KIF1A: variants seen among roughly 807,000 people sequenced by gnomAD.
The protein encoded by KIF1A is kinesin family member 1A, also known as kinesin-like protein KIF1A.
Under a neutral mutation model 227.3 loss-of-function variants are expected in KIF1A, and 46 were observed. That is an observed-to-expected ratio of 0.20 (90% CI 0.16 to 0.26). The LOEUF (loss-of-function observed/expected upper bound fraction) is 0.26, where lower values mean the gene tolerates loss of function less well. Among genes scored for constraint, KIF1A ranks in the 10% least tolerant of loss-of-function variants. The pLI is 1.00. For missense variants in KIF1A, 1,683 were observed against 2,485.9 expected (o/e 0.68, Z 6.87); for synonymous variants, 1,022 against 1,012.8 (o/e 1.01, Z -0.17).
At chr2:240,721,570 G>A (rs951749932) in intron 44 of KIF1A, among the ~76,000 whole-genome samples, 12 of 152,210 alleles carry the variant, frequency 7.9e-5, no homozygotes, top group African/African-American at 2.9e-4. Flanking sequence ...GTGCATGGGT[G>A]CATCCAAGGC....
chr2:240,738,158 C>G (rs1276173254), intron 37 of KIF1A, among the ~76,000 whole-genome samples: 1 of 152,226 alleles, frequency 6.6e-6, no homozygotes, highest in Admixed American at 6.5e-5. Flanking sequence ...GGGAGCGCAG[C>G]TGCTCTCAGC....
In KIF1A at chr2:240,717,342, G is replaced by A; in HGVS notation, c.*22C>T. 1 of 1,607,030 alleles carries A rather than the reference G, an allele frequency of 6.2e-7. No homozygotes were observed. Among genetic ancestry groups the A allele is most frequent in the Non-Finnish European group, 8.5e-7 (1 of 1,176,382 alleles). On this transcript the variant is annotated 3_prime_UTR_variant, in exon 49 of 49. Transcript: ENST00000498729. ...GGGAGGGGATGGGCTGGGCCTGCCGGCTGTCACGGGAGGGCTCAGGTTCAG... is the reference window on the plus strand; with the variant it reads ...GGGAGGGGATGGGCTGGGCCTGCCGACTGTCACGGGAGGGCTCAGGTTCAG...
At chr2:240,738,636 GGA>G (rs2047619462) in intron 37 of KIF1A, among the ~76,000 whole-genome samples, 1 of 152,192 alleles carries the variant, frequency 6.6e-6, no homozygotes, top group African/African-American at 2.4e-5. Context: ...AGCCTGAAGG[GGA>G]GCATTGGGGT....
At chr2:240,813,914 G>T (rs947126288) in intron 1 of KIF1A, among the ~76,000 whole-genome samples, 2 of 152,190 alleles carry the variant, frequency 1.3e-5, no homozygotes, top group African/African-American at 2.4e-5. Flanking sequence ...GCACCCGGGA[G>T]ATTCAAGAAG....
chr2:240,740,726 A>G lies in KIF1A; in HGVS notation c.3750-362T>C, dbSNP rs2047859153. On this transcript the variant is annotated intron_variant, in intron 35 of 48. Transcript: ENST00000498729. The surrounding 1 kb of genome is among the most constrained non-coding windows in gnomAD (Gnocchi z 6.1). ...GAGGATCCAGAGGAAATCCCAGCAG[A>G]TGGGCTCGTCTTCTCCAACATCTAA... Among the ~76,000 whole-genome samples, 1 of 151,918 alleles carries G rather than the reference A, an allele frequency of 6.6e-6. No individual in the cohort carries two copies. Among genetic ancestry groups the G allele is most frequent in the African/African-American group, 2.4e-5 (1 of 41,330 alleles).
intron 5 of KIF1A, among the ~76,000 whole-genome samples, chr2:240,786,732 G>GCCACCACCAGGACCC (rs1559529774): frequency 6.3e-5 from 9 of 142,886 alleles, no homozygotes; most frequent in African/African-American, 2.6e-4. Flanking sequence ...GGGGGTGGGG[G>GCCACCACCAGGACCC]CTGCCTGCTG....
intron 40 of KIF1A, 84 bp from the exon 41 acceptor site, chr2:240,724,120 C>T: frequency 8.5e-7 from 1 of 1,182,034 alleles, no homozygotes; most frequent in South Asian, 1.2e-5. Context: ...ACTTGCCCCA[C>T]TATCAAACGC....
chr2:240,773,012 C>CA lies in KIF1A; in HGVS notation c.1180+101dup, dbSNP rs1398686882. The CA allele has an allele frequency of 3.8e-6, 5 of 1,305,292 alleles. No homozygotes were observed. The Admixed American group carries it at 1.1e-4, about 30-fold the overall frequency. The allele number at this position is 1,305,292 out of a possible 1,614,324, so 80.9% of individuals were successfully genotyped here. On this transcript the variant is annotated intron_variant, in intron 13 of 48. Coordinates refer to ENST00000498729, the MANE Select transcript of KIF1A (RefSeq NM_001244008.2). Reference sequence around the variant, plus strand: ...GAGCTGCCACAGCCCAGGGTGCAGCCAGCAAAGTGGTGGCCCCAGGAGAGA... The same window carrying CA: ...GAGCTGCCACAGCCCAGGGTGCAGCCAAGCAAAGTGGTGGCCCCAGGAGAGA...
chr2:240,793,101 G>T lies in KIF1A; in HGVS notation c.107-3789C>A, dbSNP rs1283843266. On this transcript the variant is annotated intron_variant, in intron 2 of 48. Transcript: ENST00000498729. The surrounding 1 kb of genome is among the most constrained non-coding windows in gnomAD (Gnocchi z 4.8). The stretch of plus-strand genomic sequence containing the variant: ...AACAGCAGCCCCAGGGACCACACGG[G>T]TGCTACTGCTGCCCGTGCAGAGGGG... 6.6e-6 allele frequency among the ~76,000 whole-genome samples: 1 copy of T among 152,228 alleles called. No individual in the cohort carries two copies. Among genetic ancestry groups the T allele is most frequent in the Non-Finnish European group, 1.5e-5 (1 of 68,038 alleles).
chr2:240,727,824 C>T lies in KIF1A; in HGVS notation c.4008-884G>A, dbSNP rs1400242854. Among the ~76,000 whole-genome samples, 6 of 152,322 alleles carry T rather than the reference C, an allele frequency of 3.9e-5. No individual in the cohort carries two copies. The South Asian group carries it at 8.3e-4, about 21-fold the overall frequency. The stretch of plus-strand genomic sequence containing the variant: ...TGCTCCGGAACAGGGTTTTCTGTTA[C>T]GTGAGAGTTCCTGTTTTCAGCCTTC... On this transcript the variant is annotated intron_variant, in intron 38 of 48. Coordinates refer to ENST00000498729, the MANE Select transcript of KIF1A (RefSeq NM_001244008.2).
intron 1 of KIF1A, among the ~76,000 whole-genome samples, chr2:240,801,852 C>G (rs907024092): frequency 1.3e-5 from 2 of 152,194 alleles, no homozygotes; most frequent in African/African-American, 2.4e-5. Context: ...AATAAATTCT[C>G]TTATTCACAA....
At position 240,758,555 on chromosome 2, in the gene KIF1A, G is replaced by T; in HGVS notation, c.2445-58C>A. ...GGCCCAGCGCTCAGCAGCTGGCACC[G>T]CACACCCTTATCTCCTGGGGACAGT... is the stretch of plus-strand genomic sequence containing the variant. On this transcript the variant is annotated intron_variant, in intron 25 of 48. Coordinates refer to ENST00000498729, the MANE Select transcript of KIF1A (RefSeq NM_001244008.2). This position sits in a 1 kb window ranked among gnomAD's most constrained non-coding sequence, Gnocchi z 5.2. 1 of 1,465,234 alleles carries T rather than the reference G, an allele frequency of 6.8e-7. No individual in the cohort carries two copies. Among genetic ancestry groups the T allele is most frequent in the Admixed American group, 2.4e-5 (1 of 42,172 alleles). The allele number at this position is 1,465,234 out of a possible 1,614,324, so 90.8% of individuals were successfully genotyped here.
At position 240,757,446 on chromosome 2, in the gene KIF1A, C is replaced by G. The variant is rs1321231943; in HGVS notation, c.2731G>C (p.Glu911Gln). ...AEEQSVGEEE[E>Q]EEEEEEDEEE... ...TCATCCTCCTCCTCCTCCTCCTCCT[C>G]CTCCTCCTCCCCCACGCTCTGCTCC... Residue 911 changes from glutamate to glutamine, a missense_variant, in exon 27 of 49, where the codon GAG (glutamate) becomes CAG (glutamine). Glu to Gln is a conservative substitution (Grantham distance 29, BLOSUM62 2). Around this residue, in one of 12 missense-constraint regions of KIF1A, gnomAD observed 759 missense variants for 1,020.2 expected, o/e 0.74. Coordinates refer to ENST00000498729, the MANE Select transcript of KIF1A (RefSeq NM_001244008.2). This position sits in a 1 kb window ranked among gnomAD's most constrained non-coding sequence, Gnocchi z 6.2. The G allele has an allele frequency of 6.5e-7, 1 of 1,550,220 alleles. No individual in the cohort carries two copies. The highest frequency in any genetic ancestry group is 8.7e-7 in the Non-Finnish European group (1 of 1,146,734).
chr2:240,722,596 C>A lies in KIF1A; in HGVS notation c.4525G>T (p.Val1509Phe). The change falls in exon 43 of 49, where the codon GTC (valine) becomes TTC (phenylalanine). Residue 1509 changes from valine (V) to phenylalanine (F), a missense_variant. By Grantham distance (50) the Val-to-Phe change is conservative. Around this residue, in one of 12 missense-constraint regions of KIF1A, gnomAD observed 384 missense variants for 410.1 expected, o/e 0.94. Coordinates refer to ENST00000498729, the MANE Select transcript of KIF1A (RefSeq NM_001244008.2). ...AAGGCCGGGGACAGTGCCTCCGGGA[C>A]AGGCCGCTGGGCGGTCTCCAGCTTC... ...REKLETAQRP[V>F]PEALSPAFSE... The A allele has an allele frequency of 6.4e-7, 1 of 1,565,046 alleles. No individual in the cohort carries two copies. Among genetic ancestry groups the A allele is most frequent in the African/African-American group, 1.4e-5 (1 of 73,920 alleles).
intron 2 of KIF1A, 44 bp downstream of exon 2, chr2:240,797,603 A>G (rs1423322075): frequency 1.4e-6 from 2 of 1,403,500 alleles, no homozygotes; most frequent in Middle Eastern, 1.8e-4. Context: ...CATGGCCCCC[A>G]GCAACCCATG....
chr2:240,786,810 G>C (rs536468175), intron 5 of KIF1A, among the ~76,000 whole-genome samples: 1 of 148,172 alleles, frequency 6.7e-6, no homozygotes, highest in South Asian at 2.1e-4. Flanking sequence ...GCTGCCATCA[G>C]GACCCCTGAG....
chr2:240,797,634 G>A lies in KIF1A; in HGVS notation c.106+13C>T. ...CCATGGCCGACCCCGATGCTGTGCAGGCTGATACTCACTGGTGGTGCTTCC... is the reference window on the plus strand; with the variant it reads ...CCATGGCCGACCCCGATGCTGTGCAAGCTGATACTCACTGGTGGTGCTTCC... On this transcript the variant is annotated intron_variant, in intron 2 of 48. Coordinates refer to ENST00000498729, the MANE Select transcript of KIF1A (RefSeq NM_001244008.2). 1 of 1,582,178 alleles carries A rather than the reference G, an allele frequency of 6.3e-7. No homozygotes were observed. The highest frequency in any genetic ancestry group is 8.7e-7 in the Non-Finnish European group (1 of 1,153,082).
intron 1 of KIF1A, among the ~76,000 whole-genome samples, chr2:240,803,079 A>G (rs757775444): frequency 7.2e-5 from 11 of 152,334 alleles, no homozygotes; most frequent in Admixed American, 4.6e-4. Context: ...ATACATCAAT[A>G]CCCTCAAAAA....
chr2:240,790,669 G>A lies in KIF1A; in HGVS notation c.107-1357C>T, dbSNP rs1054323855. Among the ~76,000 whole-genome samples the A allele has an allele frequency of 2.6e-5, 4 of 152,080 alleles. No homozygotes were observed. The highest frequency in any genetic ancestry group is 6.5e-5 in the Admixed American group (1 of 15,278). On this transcript the variant is annotated intron_variant, in intron 2 of 48. Coordinates refer to ENST00000498729, the MANE Select transcript of KIF1A (RefSeq NM_001244008.2). The surrounding 1 kb of genome is among the most constrained non-coding windows in gnomAD (Gnocchi z 5.0). Reference sequence around the variant, plus strand: ...AGATGAGGTCCTACTCCATGAAGACGGGCCCTAATCTAGTGCTGCCATGTC... The same window carrying A: ...AGATGAGGTCCTACTCCATGAAGACAGGCCCTAATCTAGTGCTGCCATGTC...
Sources: allele counts gnomAD v4.1 joint callset (sites outside exome capture counted in the v4.1 genomes callset), GRCh38; gene constraint gnomAD v4.1.1; regional missense constraint gnomAD v4.1.1; non-coding constraint Gnocchi (gnomAD v3.1); transcripts MANE v1.5; gene names NCBI Gene and HGNC (gene_info 2026-07-23, HGNC 2026-07-21).